Variants in TANC2 observed in about 807,000 individuals in gnomAD.
TANC2 encodes the protein tetratricopeptide repeat, ankyrin repeat and coiled-coil containing 2.
A neutral mutation model predicts 210.5 loss-of-function variants in TANC2; 26 were observed. The observed-to-expected ratio is 0.12, with a 90% CI of 0.09 to 0.17. The LOEUF (loss-of-function observed/expected upper bound fraction) is 0.17, where lower values mean the gene tolerates loss of function less well. Among genes scored for constraint, TANC2 ranks in the 10% least tolerant of loss-of-function variants. The probability of loss-of-function intolerance (pLI) is 1.00; values close to 1 mark genes in which losing one functional copy is unlikely to be tolerated. For synonymous variants in TANC2, 931 were observed against 967.1 expected, an observed-to-expected ratio of 0.96 and a Z score of 0.69; for missense variants, 2,129 against 2,608.9, an observed-to-expected ratio of 0.82 and a Z score of 4.01.
chr17:63,179,879 G>T (rs1261222119), intron 5 of TANC2, among the ~76,000 whole-genome samples: 1 of 151,450 alleles, frequency 6.6e-6, no homozygotes, highest in Non-Finnish European at 1.5e-5. Flanking sequence ...GCTGGGCATG[G>T]TTCATGCCTA....
At chr17:63,411,889 C>CTGGG in intron 22 of TANC2, 109 bp from the exon 23 acceptor site, 1 of 1,511,018 alleles carries the variant, frequency 6.6e-7, no homozygotes, top group Non-Finnish European at 9.0e-7. Context: ...GCAGCATAGC[C>CTGGG]TGGGGTAGGC....
intron 4 of TANC2, among the ~76,000 whole-genome samples, chr17:63,106,812 A>G (rs918702446): frequency 4.0e-5 from 6 of 151,724 alleles, no homozygotes; most frequent in African/African-American, 1.5e-4. Flanking sequence ...GTAATTTTCT[A>G]GTTTTTTTTC....
exon 10 of TANC2, chr17:63,314,664 C>T: frequency 6.2e-7 from 1 of 1,613,200 alleles, no homozygotes; most frequent in Non-Finnish European, 8.5e-7. Context: ...CATGCCTCCC[C>T]CAAACGTACG....
At chr17:63,085,290 G>A (rs920566146) in intron 3 of TANC2, among the ~76,000 whole-genome samples, 2 of 151,802 alleles carry the variant, frequency 1.3e-5, no homozygotes, top group Admixed American at 6.6e-5. Context: ...CTTTTAATTG[G>A]TATATTTAGA....
chr17:63,287,928 C>G (rs775963707), intron 9 of TANC2, among the ~76,000 whole-genome samples: 34 of 152,268 alleles, frequency 2.2e-4, no homozygotes, highest in Admixed American at 5.9e-4. Flanking sequence ...CTGCCTGCCT[C>G]GGCTCCCCAA....
At chr17:63,183,072 CTT>C (rs79736985) in intron 5 of TANC2, among the ~76,000 whole-genome samples, 8 of 151,940 alleles carry the variant, frequency 5.3e-5, no homozygotes, top group African/African-American at 1.7e-4. Flanking sequence ...ATAATAGGAC[CTT>C]TTTTTTAAAC....
chr17:63,080,947 A>T (rs191787684), intron 3 of TANC2, among the ~76,000 whole-genome samples: 1 of 152,198 alleles, frequency 6.6e-6, no homozygotes, highest in Non-Finnish European at 1.5e-5. Flanking sequence ...AGGAAATATT[A>T]ATTTTATATT....
At chr17:62,978,441 G>A (rs1163949786) in intron 1 of TANC2, 2 of 152,174 alleles carry the variant, frequency 1.3e-5, no homozygotes, top group Non-Finnish European at 2.9e-5. Context: ...GGTCTTAAAA[G>A]TTGATAGACA....
intron 4 of TANC2, among the ~76,000 whole-genome samples, chr17:63,142,776 A>C (rs1354500255): frequency 6.6e-6 from 1 of 152,218 alleles, no homozygotes; most frequent in Non-Finnish European, 1.5e-5. Flanking sequence ...AGTGAAATTA[A>C]TGGGTCTTCT....
intron 2 of TANC2, among the ~76,000 whole-genome samples, chr17:63,026,914 C>T (rs1045729656): frequency 2.0e-5 from 3 of 152,112 alleles, no homozygotes; most frequent in African/African-American, 7.2e-5. Context: ...TTGGTACTTT[C>T]AAAGTTTGCT....
At chr17:63,304,017 G>A (rs1201235275) in intron 9 of TANC2, among the ~76,000 whole-genome samples, 2 of 151,856 alleles carry the variant, frequency 1.3e-5, no homozygotes, top group Non-Finnish European at 1.5e-5. Context: ...TAGCTTCTTT[G>A]CATTGGGTTA....
In TANC2 at chr17:63,379,843, G is replaced by A; in HGVS notation, c.2691+17G>A. 2 of 1,599,638 alleles carry A rather than the reference G, an allele frequency of 1.3e-6. No individual in the cohort carries two copies. Among genetic ancestry groups the A allele is most frequent in the Non-Finnish European group, 1.7e-6 (2 of 1,169,700 alleles). ...ATTTTTAAGGTAATTAAAGCAGTTGGAACCATTTTTCCGCCATCTCTAGCA... is the reference window on the plus strand; with the variant it reads ...ATTTTTAAGGTAATTAAAGCAGTTGAAACCATTTTTCCGCCATCTCTAGCA... On this transcript the variant is annotated intron_variant, in intron 15 of 27. Coordinates refer to ENST00000689528, the Ensembl canonical transcript of TANC2.
chr17:63,119,904 C>A (rs2038397170), intron 4 of TANC2, among the ~76,000 whole-genome samples: 1 of 151,942 alleles, frequency 6.6e-6, no homozygotes, highest in Admixed American at 6.6e-5. Context: ...CCTCTGGTCC[C>A]AGCTACTTGG....
At chr17:63,319,115 G>A in intron 11 of TANC2, 25 bp downstream of exon 11, 2 of 1,596,900 alleles carry the variant, frequency 1.3e-6, no homozygotes, top group East Asian at 2.3e-5. Context: ...CCACGTTGGG[G>A]ATATGGTAGT....
At chr17:63,061,354 C>T (rs975948564) in intron 2 of TANC2, among the ~76,000 whole-genome samples, 2 of 151,182 alleles carry the variant, frequency 1.3e-5, no homozygotes, top group African/African-American at 4.8e-5. Flanking sequence ...GTGACAAGAG[C>T]GAAACTCTGT....
intron 7 of TANC2, among the ~76,000 whole-genome samples, chr17:63,211,339 T>C (rs985631644): frequency 3.3e-5 from 5 of 152,154 alleles, no homozygotes; most frequent in Non-Finnish European, 7.4e-5. Flanking sequence ...GATCTGGTGA[T>C]GGCCAGTTTC....
intron 1 of TANC2, among the ~76,000 whole-genome samples, chr17:63,008,244 T>C (rs1439293227): frequency 6.6e-6 from 1 of 152,206 alleles, no homozygotes; most frequent in Non-Finnish European, 1.5e-5. Context: ...GTTAGACAAT[T>C]CTTGGTTGCT....
chr17:63,157,740 A>G (rs1322810124), intron 5 of TANC2, among the ~76,000 whole-genome samples: 1 of 151,974 alleles, frequency 6.6e-6, no homozygotes, highest in Non-Finnish European at 1.5e-5. Context: ...ATGTAAAATA[A>G]AAATATAAAA....
At chr17:63,395,512 A>AT (rs1301880396) in intron 17 of TANC2, among the ~76,000 whole-genome samples, 1 of 152,192 alleles carries the variant, frequency 6.6e-6, no homozygotes, top group Non-Finnish European at 1.5e-5. Flanking sequence ...GCAAAAAAAA[A>AT]GTCTGACCTT....
Sources: allele counts gnomAD v4.1 joint callset (sites outside exome capture counted in the v4.1 genomes callset), GRCh38; gene constraint gnomAD v4.1.1; transcripts MANE v1.5; gene names NCBI Gene and HGNC (gene_info 2026-07-23, HGNC 2026-07-21).